RPS6KA5: variants seen among roughly 807,000 people sequenced by gnomAD.
The protein encoded by RPS6KA5 is ribosomal protein S6 kinase alpha-5.
In RPS6KA5, 27 loss-of-function variants were observed where a neutral mutation model predicts 85.5. The observed-to-expected ratio is 0.32, with a 90% CI of 0.23 to 0.44. The LOEUF (loss-of-function observed/expected upper bound fraction) is 0.44, where lower values mean the gene tolerates loss of function less well. Ranked by LOEUF, RPS6KA5 falls within the 20% of genes least tolerant of loss-of-function variation. The pLI is 1.00. For missense variants in RPS6KA5, 811 were observed against 980.9 expected, an observed-to-expected ratio of 0.83 and a Z score of 2.31; for synonymous variants, 334 against 348.2, an observed-to-expected ratio of 0.96 and a Z score of 0.46.
intron 3 of RPS6KA5, among the ~76,000 whole-genome samples, chr14:90,951,293 CT>C (rs2038171164): frequency 6.6e-6 from 1 of 151,974 alleles, no homozygotes; most frequent in South Asian, 2.1e-4. Context: ...ACCATCCTGG[CT>C]AACATGGTGA....
chr14:90,982,285 CAA>C (rs5810527), intron 2 of RPS6KA5, among the ~76,000 whole-genome samples: 322 of 144,508 alleles, frequency 2.2e-3, no homozygotes, highest in Admixed American at 2.2e-3. Context: ...ATTCCTTTGG[CAA>C]AAAAAAAAAA....
At chr14:90,963,681 AC>A (rs2038918858) in intron 3 of RPS6KA5, among the ~76,000 whole-genome samples, 1 of 152,182 alleles carries the variant, frequency 6.6e-6, no homozygotes, top group African/African-American at 2.4e-5. Flanking sequence ...GCGATACGAC[AC>A]ACTTTACATA....
At chr14:90,892,266 T>C (rs867720634) in intron 13 of RPS6KA5, among the ~76,000 whole-genome samples, 1 of 152,174 alleles carries the variant, frequency 6.6e-6, no homozygotes, top group Non-Finnish European at 1.5e-5. Flanking sequence ...CCTCCCAAAG[T>C]GCTGGGATTA....
chr14:90,903,368 A>T (rs2035295792), intron 8 of RPS6KA5, among the ~76,000 whole-genome samples: 1 of 152,250 alleles, frequency 6.6e-6, no homozygotes, highest in Admixed American at 6.5e-5. Context: ...AGATGTGGAT[A>T]TTAGCTCTAA....
intron 1 of RPS6KA5, among the ~76,000 whole-genome samples, chr14:91,046,934 T>C (rs535490081): frequency 2.6e-5 from 4 of 151,780 alleles, no homozygotes; most frequent in Non-Finnish European, 5.9e-5. Flanking sequence ...GCAGCACTTC[T>C]CTGGGAGGCC....
intron 9 of RPS6KA5, among the ~76,000 whole-genome samples, chr14:90,902,183 T>TA (rs997092786): frequency 4.8e-4 from 68 of 141,944 alleles, no homozygotes; most frequent in Non-Finnish European, 5.5e-4. Flanking sequence ...CCTTGTTTCT[T>TA]AAAAAAAAAA....
chr14:90,962,478 G>C (rs2038854259), intron 3 of RPS6KA5, among the ~76,000 whole-genome samples: 1 of 151,976 alleles, frequency 6.6e-6, no homozygotes, highest in Non-Finnish European at 1.5e-5. Flanking sequence ...GTAGAGACAG[G>C]GTTTCGCCAT....
chr14:90,875,390 G>A (rs766255812), intron 14 of RPS6KA5, 30 bp from the exon 15 acceptor site: 14 of 1,598,136 alleles, frequency 8.8e-6, no homozygotes, highest in African/African-American at 1.3e-5. Flanking sequence ...AAAACAGAAT[G>A]ACTACCCAGA....
At chr14:90,927,100 G>A (rs2036717114) in intron 5 of RPS6KA5, among the ~76,000 whole-genome samples, 1 of 152,028 alleles carries the variant, frequency 6.6e-6, no homozygotes, top group Non-Finnish European at 1.5e-5. Flanking sequence ...GAGAGATAAT[G>A]GATAATTTCA....
chr14:90,992,085 G>C (rs1456333913), intron 2 of RPS6KA5, among the ~76,000 whole-genome samples: 1 of 152,036 alleles, frequency 6.6e-6, no homozygotes, highest in East Asian at 1.9e-4. Flanking sequence ...ATTATTCTAA[G>C]TAGTGCTGAA....
In RPS6KA5 at chr14:91,014,516, C is replaced by A. The variant is rs868175054; in HGVS notation, c.104-13357G>T. The stretch of plus-strand genomic sequence containing the variant: ...GACTCCATCTCAAAAAAAAAAAAAA[C>A]AAAAAACAAAAAAAATGAGTATTAT... On this transcript the variant is annotated intron_variant, in intron 1 of 16. Coordinates refer to ENST00000614987, the MANE Select transcript of RPS6KA5 (RefSeq NM_004755.4). 6.4e-3 allele frequency among the ~76,000 whole-genome samples: 936 copies of A among 145,294 alleles called. 10 individuals carry two copies. Among genetic ancestry groups the A allele is most frequent in the African/African-American group, 0.019 (751 of 39,706 alleles).
chr14:90,873,926 T>C (rs1011358911), intron 15 of RPS6KA5, 131 bp from the exon 16 acceptor site: 2 of 650,160 alleles, frequency 3.1e-6, no homozygotes, highest in East Asian at 5.5e-5. Context: ...CCTACAAAGA[T>C]AATTAGATTT....
chr14:91,058,940 G>C (rs2043460668), intron 1 of RPS6KA5, among the ~76,000 whole-genome samples: 1 of 152,216 alleles, frequency 6.6e-6, no homozygotes, highest in African/African-American at 2.4e-5. Context: ...AGAACTGACG[G>C]ACAGAGCTAA....
intron 14 of RPS6KA5, among the ~76,000 whole-genome samples, chr14:90,885,599 G>A (rs1477205654): frequency 1.7e-5 from 2 of 115,402 alleles, no homozygotes; most frequent in Non-Finnish European, 3.5e-5. Flanking sequence ...AAAATTAGAC[G>A]GGCGAGGTGG....
chr14:90,953,293 ATT>A (rs1163657826), intron 3 of RPS6KA5, among the ~76,000 whole-genome samples: 1 of 152,228 alleles, frequency 6.6e-6, no homozygotes, highest in Non-Finnish European at 1.5e-5. Context: ...TTATCTGGAC[ATT>A]TATCAGTTTC....
In RPS6KA5 at chr14:90,862,049, A is replaced by G. The variant is rs1286055988; in HGVS notation, c.*10025T>C. The G allele has an allele frequency of 6.6e-6, 1 of 152,200 alleles. No individual in the cohort carries two copies. Among genetic ancestry groups the G allele is most frequent in the African/African-American group, 2.4e-5 (1 of 41,456 alleles). 9.4% of individuals were successfully genotyped at this position (152,200 alleles called of 1,614,324 possible). A position where few individuals can be genotyped will look rare whatever the true frequency, so the allele number is the denominator to read the frequency against. ...AATTTCTAAAAATTACTAACGAACTAACATAGGAGGAAACAATGGACAAAA... is the reference window on the plus strand; with the variant it reads ...AATTTCTAAAAATTACTAACGAACTGACATAGGAGGAAACAATGGACAAAA... On this transcript the variant is annotated 3_prime_UTR_variant, in exon 17 of 17. Coordinates refer to ENST00000614987, the MANE Select transcript of RPS6KA5 (RefSeq NM_004755.4).
At chr14:90,995,073 C>T (rs957270603) in intron 2 of RPS6KA5, among the ~76,000 whole-genome samples, 27 of 151,950 alleles carry the variant, frequency 1.8e-4, no homozygotes, top group African/African-American at 6.3e-4. Flanking sequence ...TAATATAAGA[C>T]GGAGTCTTGC....
rs1055811589 is a variant in RPS6KA5, at chr14:91,060,593, C to G, written c.-159G>C. 8.0e-5 allele frequency: 80 copies of G among 1,006,040 alleles called. No homozygotes were observed. In the Admixed American group the frequency reaches 8.3e-4, roughly 10 times the overall value. 62.3% of individuals were successfully genotyped at this position (1,006,040 alleles called of 1,614,324 possible). On this transcript the variant is annotated 5_prime_UTR_variant, in exon 1 of 17. Coordinates refer to ENST00000614987, the MANE Select transcript of RPS6KA5 (RefSeq NM_004755.4). ...GAGTCTCTTTCCCGCTCTGGCCGCA[C>G]GGCTCGCTCCTCGCCTCCTCCCCCT...
chr14:90,961,132 C>T (rs1486770239), intron 3 of RPS6KA5, among the ~76,000 whole-genome samples: 1 of 152,150 alleles, frequency 6.6e-6, no homozygotes, highest in African/African-American at 2.4e-5. Flanking sequence ...CAAAGAATAA[C>T]AATAGCAACT....
Sources: gnomAD v4.1 joint callset for allele counts (sites outside exome capture counted in the v4.1 genomes callset) on GRCh38, gnomAD v4.1.1 for gene constraint, MANE v1.5 for transcripts, NCBI Gene and HGNC (gene_info 2026-07-23, HGNC 2026-07-21) for gene names.